CYTH4: variants seen among roughly 807,000 people sequenced by gnomAD.
CYTH4 encodes cytohesin 4, also known as cytohesin-4.
A neutral mutation model predicts 57.5 loss-of-function variants in CYTH4; 22 were observed. The observed-to-expected ratio is 0.38, with a 90% CI of 0.27 to 0.55. The LOEUF (loss-of-function observed/expected upper bound fraction) is 0.55, where lower values mean the gene tolerates loss of function less well. Among genes scored for constraint, CYTH4 ranks in the 20% least tolerant of loss-of-function variants. CYTH4 has a pLI of 0.74. For missense variants in CYTH4, 420 were observed against 535.6 expected (o/e 0.78, Z 2.13); for synonymous variants, 186 against 206.5 (o/e 0.90, Z 0.85).
At position 37,311,794 on chromosome 22, in the gene CYTH4, A is replaced by C; in HGVS notation, c.958-226A>C. On this transcript the variant is annotated intron_variant, in intron 11 of 12. Transcript: ENST00000248901. This position sits in a 1 kb window ranked among gnomAD's most constrained non-coding sequence, Gnocchi z 4.4. ...CCCGAGTAAGCTCCACTCCATTCAG[A>C]ACCTCAGTGAGCCCACATGTCACGT... 1 of 678,836 alleles carries C rather than the reference A, an allele frequency of 1.5e-6. No homozygotes were observed. Among genetic ancestry groups the C allele is most frequent in the Non-Finnish European group, 2.4e-6 (1 of 408,812 alleles). The allele number at this position is 678,836 out of a possible 1,614,324, so 42.1% of individuals were successfully genotyped here.
Position 37,292,626 on chromosome 22 carries a change from G to T in CYTH4, c.25G>T (p.Ala9Ser), listed in dbSNP as rs146584091. 4.3e-6 allele frequency: 7 copies of T among 1,613,696 alleles called. No individual in the cohort carries two copies. Among genetic ancestry groups the T allele is most frequent in the Non-Finnish European group, 5.9e-6 (7 of 1,179,936 alleles). The stretch of plus-strand genomic sequence containing the variant: ...GGCCGGTTGTCTCTCTGTAGAGCCC[G>T]CGGAGCTGAGCAGCGGGGAGACGGA... MDLCHPEP[A>S]ELSSGETEEL... Residue 9 changes from alanine to serine, a missense_variant, in exon 2 of 13, where the codon GCG becomes TCG. By Grantham distance (99) the Ala-to-Ser change is moderately conservative. Transcript: ENST00000248901.
At chr22:37,303,156 C>CG (rs35187313) in intron 7 of CYTH4, 98 bp from the exon 8 acceptor site, 910,796 of 1,536,984 alleles carry the variant, frequency 0.59, 273,268 homozygotes, top group South Asian at 0.78. Context: ...GGTGGACCTT[C>CG]GGGGCCTTGC....
At chr22:37,294,553 G>A in intron 2 of CYTH4, 107 bp from the exon 3 acceptor site, 1 of 1,280,044 alleles carries the variant, frequency 7.8e-7, no homozygotes, top group Non-Finnish European at 1.1e-6. Context: ...AGAGGGGCCA[G>A]GTTTGAGAGT....
rs1929660146 is a variant in CYTH4 at position 37,312,009 on chromosome 22, C to T, written c.958-11C>T. The stretch of plus-strand genomic sequence containing the variant: ...CTCTCTTCCCACCCTTGCCTGGCCA[C>T]CTCCCCACAGTTCTGCCTGGAGCTC... On this transcript the variant is annotated splice_polypyrimidine_tract_variant and intron_variant, in intron 11 of 12. Coordinates refer to ENST00000248901, the MANE Select transcript of CYTH4 (RefSeq NM_013385.5). 6.2e-7 allele frequency: 1 copy of T among 1,609,506 alleles called. No individual in the cohort carries two copies. Among genetic ancestry groups the T allele is most frequent in the Non-Finnish European group, 8.5e-7 (1 of 1,176,522 alleles).
At chr22:37,296,131 C>G in intron 4 of CYTH4, 66 bp downstream of exon 4, 1 of 1,490,932 alleles carries the variant, frequency 6.7e-7, no homozygotes. Context: ...TGCCTGGTGT[C>G]CTCTCGCTCC....
At chr22:37,287,535 T>A (rs910072204) in intron 1 of CYTH4, among the ~76,000 whole-genome samples, 3 of 152,224 alleles carry the variant, frequency 2.0e-5, no homozygotes, top group Non-Finnish European at 4.4e-5. Flanking sequence ...TTTTTTCCCA[T>A]GGATGAGACC....
Position 37,313,609 on chromosome 22 carries a change from C to T in CYTH4, c.*98C>T. 9.1e-7 allele frequency: 1 copy of T among 1,101,664 alleles called. No homozygotes were observed. Among genetic ancestry groups the T allele is most frequent in the Non-Finnish European group, 1.4e-6 (1 of 727,122 alleles). 68.2% of individuals were successfully genotyped at this position (1,101,664 alleles called of 1,614,324 possible). On this transcript the variant is annotated 3_prime_UTR_variant, in exon 13 of 13. Transcript: ENST00000248901. The stretch of plus-strand genomic sequence containing the variant: ...CCCACCCCAGTGCACTCTTTTGGGC[C>T]ACAGACATCATTGCTGTTCCCCGTT...
intron 1 of CYTH4, among the ~76,000 whole-genome samples, chr22:37,286,012 T>C (rs149018151): frequency 9.4e-4 from 143 of 152,154 alleles, no homozygotes; most frequent in African/African-American, 3.3e-3. Context: ...GCAGTAAAAA[T>C]ACAAGCAACC....
Position 37,292,502 on chromosome 22 carries a change from T to C in CYTH4, c.20-119T>C. 5 of 938,750 alleles carry C rather than the reference T, an allele frequency of 5.3e-6. No homozygotes were observed. In the Admixed American group the frequency reaches 9.5e-5, roughly 18 times the overall value. The allele number at this position is 938,750 out of a possible 1,614,324, so 58.2% of individuals were successfully genotyped here. A position where few individuals can be genotyped will look rare whatever the true frequency, so the allele number is the denominator to read the frequency against. The stretch of plus-strand genomic sequence containing the variant: ...GTCAGGGGAGGCTTCCTGGAGGAGG[T>C]GGGCCTCTGTGAATAGGGCAAGTCC... On this transcript the variant is annotated intron_variant, in intron 1 of 12. Coordinates refer to ENST00000248901, the MANE Select transcript of CYTH4 (RefSeq NM_013385.5).
rs1239141419 is a variant in CYTH4 at position 37,303,332 on chromosome 22, C to T, written c.626C>T (p.Pro209Leu). Residue 209 changes from proline to leucine, a missense_variant, in exon 8 of 13, where the codon CCT (proline) becomes CTT (leucine). By Grantham distance (98) the Pro-to-Leu change is moderately conservative. Transcript: ENST00000248901. ...LHNPNVRDRP[P>L]FERFVSMNRG... The stretch of plus-strand genomic sequence containing the variant: ...AATCCCAACGTCCGGGACAGGCCGC[C>T]TTTTGAGCGCTTTGTGTCCATGAAC... 1 of 1,614,210 alleles carries T rather than the reference C, an allele frequency of 6.2e-7. No homozygotes were observed. Among genetic ancestry groups the T allele is most frequent in the Non-Finnish European group, 8.5e-7 (1 of 1,180,026 alleles).
chr22:37,307,410 G>A (rs974417803), intron 8 of CYTH4, among the ~76,000 whole-genome samples: 5 of 152,138 alleles, frequency 3.3e-5, no homozygotes, highest in Non-Finnish European at 7.3e-5. Flanking sequence ...TGTTCCAGGC[G>A]CTTGTTCAAC....
At chr22:37,287,669 C>T (rs556154180) in intron 1 of CYTH4, among the ~76,000 whole-genome samples, 2 of 152,250 alleles carry the variant, frequency 1.3e-5, no homozygotes, top group East Asian at 3.9e-4. Context: ...CCCTGCATGT[C>T]CCAAGCAGTT....
Position 37,311,855 on chromosome 22 carries a change from G to C in CYTH4, c.958-165G>C. 1 of 869,020 alleles carries C rather than the reference G, an allele frequency of 1.2e-6. No homozygotes were observed. Among genetic ancestry groups the C allele is most frequent in the Non-Finnish European group, 1.7e-6 (1 of 587,640 alleles). The allele number at this position is 869,020 out of a possible 1,614,324, so 53.8% of individuals were successfully genotyped here. ...GGGAGGATGGTGGATTCAGGAGCCTGCCACAGAGAGAGTGCTCAGTGTGGG... is the reference window on the plus strand; with the variant it reads ...GGGAGGATGGTGGATTCAGGAGCCTCCCACAGAGAGAGTGCTCAGTGTGGG... On this transcript the variant is annotated intron_variant, in intron 11 of 12. Transcript: ENST00000248901. The surrounding 1 kb of genome is among the most constrained non-coding windows in gnomAD (Gnocchi z 4.4).
At chr22:37,284,126 G>A (rs1323631282) in intron 1 of CYTH4, among the ~76,000 whole-genome samples, 1 of 152,202 alleles carries the variant, frequency 6.6e-6, no homozygotes, top group Non-Finnish European at 1.5e-5. Context: ...CCGGGGCTAT[G>A]GAGAGGGCAG....
intron 2 of CYTH4, among the ~76,000 whole-genome samples, chr22:37,293,085 T>A (rs1431571593): frequency 2.0e-5 from 3 of 152,220 alleles, no homozygotes; most frequent in African/African-American, 2.4e-5. Context: ...CACTTACCAC[T>A]TCACCAATCA....
intron 1 of CYTH4, among the ~76,000 whole-genome samples, chr22:37,283,971 A>C (rs1211365790): frequency 6.6e-6 from 1 of 151,858 alleles, no homozygotes; most frequent in Non-Finnish European, 1.5e-5. Flanking sequence ...TACTGAGGTT[A>C]CAGGGATGGC....
chr22:37,292,458 G>A, intron 1 of CYTH4, 163 bp from the exon 2 acceptor site: 1 of 630,928 alleles, frequency 1.6e-6, no homozygotes, highest in East Asian at 2.8e-5. Context: ...AGGGAGCAGG[G>A]GCTGCTTTAG....
Position 37,309,208 on chromosome 22 carries a change from G to T in CYTH4, c.697-4G>T. ...AGGTCTTTCTCTCCCTTGTCTTGGG[G>T]CAGAACCTCTTCGACAGCATCAAGA... On this transcript the variant is annotated splice_polypyrimidine_tract_variant and splice_region_variant and intron_variant, in intron 8 of 12. Transcript: ENST00000248901. 2 of 1,613,834 alleles carry T rather than the reference G, an allele frequency of 1.2e-6. No individual in the cohort carries two copies. Among genetic ancestry groups the T allele is most frequent in the Non-Finnish European group, 1.7e-6 (2 of 1,179,786 alleles).
In CYTH4 at chr22:37,292,722, C is replaced by G. The variant is rs1319164698; in HGVS notation, c.102+19C>G. On this transcript the variant is annotated intron_variant, in intron 2 of 12. Coordinates refer to ENST00000248901, the MANE Select transcript of CYTH4 (RefSeq NM_013385.5). ...CATCCAGGTGAGTGCACACTCGTGT[C>G]CACACACGTGTCCATGCCCACACTC... 1.2e-6 allele frequency: 2 copies of G among 1,610,908 alleles called. No homozygotes were observed. The highest frequency in any genetic ancestry group is 3.3e-5 in the Admixed American group (2 of 59,992).
Sources: allele counts gnomAD v4.1 joint callset (sites outside exome capture counted in the v4.1 genomes callset), GRCh38; gene constraint gnomAD v4.1.1; non-coding constraint Gnocchi (gnomAD v3.1); transcripts MANE v1.5; gene names NCBI Gene and HGNC (gene_info 2026-07-23, HGNC 2026-07-21).